Variants in KIAA1217 observed in about 807,000 individuals in gnomAD.
KIAA1217 encodes sickle tail protein homolog.
In KIAA1217, 88 loss-of-function variants were observed where a neutral mutation model predicts 163.9. The ratio of observed to expected loss-of-function variants is 0.54; its 90% CI spans 0.45 to 0.64. The LOEUF (loss-of-function observed/expected upper bound fraction) is 0.64. KIAA1217 is among the 30% of genes least tolerant of loss of function. KIAA1217 has a pLI of 0.00. For missense variants in KIAA1217, 2,372 were observed against 2,475.0 expected (o/e 0.96, Z 0.88); for synonymous variants, 903 against 923.1 (o/e 0.98, Z 0.39).
intron 1 of KIAA1217, among the ~76,000 whole-genome samples, chr10:23,860,776 AT>A (rs997668539): frequency 6.6e-6 from 1 of 150,882 alleles, no homozygotes; most frequent in Non-Finnish European, 1.5e-5. Flanking sequence ...GTTCTTGTGT[AT>A]TTTTTTTTCT....
rs139291347 is a variant in KIAA1217, at chr10:23,792,503, A to T, written c.-321+97269A>T. On this transcript the variant is annotated intron_variant, in intron 1 of 18. Transcript: ENST00000376462. ...TTTTTATTTATTTATTATTATTATT[A>T]TTTTTTGAGATGGAGTCTCGCTCTG... Among the ~76,000 whole-genome samples, 1,065 of 150,860 alleles carry T rather than the reference A, an allele frequency of 7.1e-3. 17 individuals carry two copies. Among genetic ancestry groups the T allele is most frequent in the African/African-American group, 0.025 (1,018 of 41,182 alleles).
At chr10:24,233,978 T>C (rs1048416773) in intron 2 of KIAA1217, among the ~76,000 whole-genome samples, 2 of 152,232 alleles carry the variant, frequency 1.3e-5, no homozygotes, top group African/African-American at 4.8e-5. Flanking sequence ...CATTACCAGA[T>C]GACCTCTTCA....
chr10:23,817,759 A>G (rs938508159), intron 1 of KIAA1217, among the ~76,000 whole-genome samples: 2 of 151,596 alleles, frequency 1.3e-5, no homozygotes, highest in African/African-American at 4.8e-5. Context: ...GGTGTTTGAC[A>G]GAAGAGTTTT....
At chr10:24,477,014 A>G (rs2064123856) in intron 6 of KIAA1217, among the ~76,000 whole-genome samples, 1 of 152,196 alleles carries the variant, frequency 6.6e-6, no homozygotes, top group Non-Finnish European at 1.5e-5. Flanking sequence ...GGTCAAAAGA[A>G]CTTGAGTCTG....
intron 6 of KIAA1217, among the ~76,000 whole-genome samples, chr10:24,487,228 C>G (rs1184253860): frequency 3.9e-5 from 6 of 152,196 alleles, no homozygotes; most frequent in Non-Finnish European, 7.3e-5. Context: ...CCGTCTCCAC[C>G]ATCCAGGAGT....
At chr10:23,698,707 T>C (rs1044271350) in intron 1 of KIAA1217, among the ~76,000 whole-genome samples, 1 of 152,232 alleles carries the variant, frequency 6.6e-6, no homozygotes, top group Non-Finnish European at 1.5e-5. Flanking sequence ...TCCCTTATGT[T>C]GTCGACCGTA....
intron 2 of KIAA1217, among the ~76,000 whole-genome samples, chr10:24,152,224 T>C (rs1378673997): frequency 1.3e-5 from 2 of 152,350 alleles, no homozygotes; most frequent in Middle Eastern, 3.4e-3. Flanking sequence ...TGTATTTTTA[T>C]GTATTTTAAA....
intron 2 of KIAA1217, among the ~76,000 whole-genome samples, chr10:24,083,929 T>A (rs1289578269): frequency 6.6e-6 from 1 of 152,168 alleles, no homozygotes; most frequent in African/African-American, 2.4e-5. Context: ...ATTTCAGGCA[T>A]CCTTGGAACA....
chr10:23,993,772 G>A (rs570857671), intron 1 of KIAA1217, among the ~76,000 whole-genome samples: 3 of 151,808 alleles, frequency 2.0e-5, no homozygotes, highest in Admixed American at 1.3e-4. Flanking sequence ...AGAAAACGGG[G>A]TTTCACCATT....
chr10:24,405,218 T>C (rs1177133619), intron 3 of KIAA1217, among the ~76,000 whole-genome samples: 1 of 152,180 alleles, frequency 6.6e-6, no homozygotes, highest in Admixed American at 6.5e-5. Flanking sequence ...TATTGCCCTA[T>C]AGTTATATAA....
chr10:23,769,396 A>G (rs1834697251), intron 1 of KIAA1217, among the ~76,000 whole-genome samples: 1 of 152,132 alleles, frequency 6.6e-6, no homozygotes, highest in African/African-American at 2.4e-5. Context: ...GGAGCAATTG[A>G]GGGGAGGGGG....
intron 1 of KIAA1217, among the ~76,000 whole-genome samples, chr10:23,960,779 G>A (rs555159184): frequency 6.6e-6 from 1 of 152,206 alleles, no homozygotes; most frequent in African/African-American, 2.4e-5. Flanking sequence ...CTGCTTAATA[G>A]TTCATCTCAT....
chr10:23,708,997 A>G (rs1423877589), intron 1 of KIAA1217, among the ~76,000 whole-genome samples: 1 of 152,104 alleles, frequency 6.6e-6, no homozygotes, highest in Non-Finnish European at 1.5e-5. Flanking sequence ...CCTAGGCTGG[A>G]GAAAAAGGGC....
chr10:23,835,997 G>C (rs979146080), intron 1 of KIAA1217, among the ~76,000 whole-genome samples: 2 of 151,834 alleles, frequency 1.3e-5, no homozygotes, highest in African/African-American at 4.8e-5. Flanking sequence ...TTGGATATAG[G>C]GTCTTTAAAG....
At chr10:23,847,945 TC>T (rs1358792799) in intron 1 of KIAA1217, among the ~76,000 whole-genome samples, 1 of 152,156 alleles carries the variant, frequency 6.6e-6, no homozygotes, top group African/African-American at 2.4e-5. Context: ...TCAAAAAACC[TC>T]ATTATTTCTG....
At chr10:24,174,202 T>C (rs2065762065) in intron 2 of KIAA1217, among the ~76,000 whole-genome samples, 1 of 152,200 alleles carries the variant, frequency 6.6e-6, no homozygotes, top group South Asian at 2.1e-4. Context: ...TGAGTTATCA[T>C]TATTACCCCT....
intron 1 of KIAA1217, among the ~76,000 whole-genome samples, chr10:23,838,330 T>C (rs1366701767): frequency 1.3e-5 from 2 of 152,236 alleles, no homozygotes; most frequent in African/African-American, 4.8e-5. Flanking sequence ...GAGAATACAG[T>C]ATACATTTTG....
chr10:24,406,872 A>G (rs2057274297), intron 3 of KIAA1217, among the ~76,000 whole-genome samples: 1 of 152,212 alleles, frequency 6.6e-6, no homozygotes, highest in Admixed American at 6.5e-5. Flanking sequence ...CTCTAAAAAC[A>G]TGTACAATTG....
At chr10:24,245,258 C>T (rs1195851537) in intron 2 of KIAA1217, among the ~76,000 whole-genome samples, 19 of 152,154 alleles carry the variant, frequency 1.2e-4, no homozygotes, top group Admixed American at 1.1e-3. Flanking sequence ...ATTTAGTAAA[C>T]GCACATGATC....
Sources: allele counts gnomAD v4.1 joint callset (sites outside exome capture counted in the v4.1 genomes callset), GRCh38; gene constraint gnomAD v4.1.1; transcripts MANE v1.5; gene names NCBI Gene and HGNC (gene_info 2026-07-23, HGNC 2026-07-21).